Variants in TBC1D8 observed in about 807,000 individuals in gnomAD.
TBC1D8 encodes the protein TBC1 domain family member 8.
In TBC1D8, 65 loss-of-function variants were observed where a neutral mutation model predicts 118.8. The observed-to-expected ratio is 0.55, with a 90% CI of 0.45 to 0.67. The LOEUF is 0.67. Ranked by LOEUF, TBC1D8 falls within the 30% of genes least tolerant of loss-of-function variation. The pLI is 0.00. For synonymous variants in TBC1D8, 566 were observed against 595.8 expected, an observed-to-expected ratio of 0.95 and a Z score of 0.73; for missense variants, 1,376 against 1,471.2, an observed-to-expected ratio of 0.94 and a Z score of 1.06.
intron 1 of TBC1D8, among the ~76,000 whole-genome samples, chr2:101,124,485 C>T (rs1346279722): frequency 6.6e-6 from 1 of 152,156 alleles, no homozygotes; most frequent in East Asian, 1.9e-4. Flanking sequence ...CACTAAAAAA[C>T]AACTCTTCCA....
At chr2:101,085,490 A>C (rs930281252) in intron 2 of TBC1D8, among the ~76,000 whole-genome samples, 7 of 152,196 alleles carry the variant, frequency 4.6e-5, no homozygotes, top group Non-Finnish European at 8.8e-5. Context: ...GCGAGATGCC[A>C]GTCCTCCTTG....
intron 2 of TBC1D8, among the ~76,000 whole-genome samples, chr2:101,066,233 G>A (rs189849559): frequency 3.9e-5 from 6 of 152,158 alleles, no homozygotes; most frequent in African/African-American, 9.6e-5. Context: ...GCAGTGAGCC[G>A]AGATCACGCC....
Position 101,015,514 on chromosome 2 carries a change from CACAA to C in TBC1D8, c.2828-3978_2828-3975del, listed in dbSNP as rs370449381. Among the ~76,000 whole-genome samples the C allele has an allele frequency of 3.5e-3, 528 of 152,320 alleles. 2 individuals are homozygous for C. Among genetic ancestry groups the C allele is most frequent in the African/African-American group, 0.012 (495 of 41,562 alleles). ...TTTTGTAATAACACTTGCCTTAAAA[CACAA>C]ACACATTGTACAGCTGTGAAAAATA... On this transcript the variant is annotated intron_variant, in intron 17 of 19. Coordinates refer to ENST00000409318, the MANE Select transcript of TBC1D8 (RefSeq NM_001330348.2).
Position 101,059,490 on chromosome 2 carries a change from ATTTT to A in TBC1D8, c.329_332del (p.Gln110LeufsTer23). On this transcript the variant is annotated frameshift_variant, in exon 3 of 20. Transcript: ENST00000409318. LOFTEE classifies it high-confidence loss of function. ...CAAAGACAGACAAGGTGTGGAGGAGATTTTGTTCCAGCCAGTCCCAGTGCTGATT... is the reference window on the plus strand; with the variant it reads ...CAAAGACAGACAAGGTGTGGAGGAGAGTTCCAGCCAGTCCCAGTGCTGATT... 1.2e-6 allele frequency: 2 copies of A among 1,613,848 alleles called. No individual in the cohort carries two copies.
chr2:101,143,973 G>T (rs1320810337), intron 1 of TBC1D8, among the ~76,000 whole-genome samples: 1 of 152,154 alleles, frequency 6.6e-6, no homozygotes, highest in Admixed American at 6.5e-5. Context: ...ATTTATTCCT[G>T]CATTCTACAT....
At chr2:101,079,680 G>GTTT (rs35466679) in intron 2 of TBC1D8, among the ~76,000 whole-genome samples, 963 of 81,670 alleles carry the variant, frequency 0.012, 19 homozygotes, top group East Asian at 0.023. Flanking sequence ...GTCCAGTCTG[G>GTTT]TTTTTTTTTT....
intron 1 of TBC1D8, among the ~76,000 whole-genome samples, chr2:101,105,851 A>G (rs1275455784): frequency 6.6e-6 from 1 of 152,140 alleles, no homozygotes; most frequent in Non-Finnish European, 1.5e-5. Flanking sequence ...GATCCCTGCA[A>G]TCGCACACCT....
chr2:101,110,560 C>T (rs1677524809), intron 1 of TBC1D8, among the ~76,000 whole-genome samples: 1 of 152,118 alleles, frequency 6.6e-6, no homozygotes, highest in Non-Finnish European at 1.5e-5. Flanking sequence ...AGTGATGGCT[C>T]CTTCACGGTA....
intron 2 of TBC1D8, among the ~76,000 whole-genome samples, chr2:101,089,545 A>T (rs867819140): frequency 3.3e-4 from 50 of 152,144 alleles, no homozygotes; most frequent in Middle Eastern, 6.3e-3. Flanking sequence ...CTGTGATAGG[A>T]ACAGAAACCC....
chr2:101,074,093 A>G (rs992692048), intron 2 of TBC1D8, among the ~76,000 whole-genome samples: 3 of 152,220 alleles, frequency 2.0e-5, no homozygotes, highest in African/African-American at 7.2e-5. Flanking sequence ...AAGCTTAATC[A>G]TTTTTAGCTT....
intron 2 of TBC1D8, among the ~76,000 whole-genome samples, chr2:101,066,513 A>G (rs1683023908): frequency 6.6e-6 from 1 of 152,218 alleles, no homozygotes; most frequent in Non-Finnish European, 1.5e-5. Context: ...ATAATTACAC[A>G]GCAAAAATAA....
At chr2:101,091,100 T>C (rs1676005250) in intron 1 of TBC1D8, among the ~76,000 whole-genome samples, 2 of 151,210 alleles carry the variant, frequency 1.3e-5, no homozygotes, top group African/African-American at 4.9e-5. Context: ...CTGGCCAACA[T>C]GGTGAAACCC....
intron 1 of TBC1D8, among the ~76,000 whole-genome samples, chr2:101,126,705 T>C (rs1428967523): frequency 6.6e-6 from 1 of 152,156 alleles, no homozygotes; most frequent in Non-Finnish European, 1.5e-5. Context: ...TAAATGTTTC[T>C]CAAAAATAGG....
intron 5 of TBC1D8, among the ~76,000 whole-genome samples, chr2:101,042,574 A>G (rs1681449899): frequency 6.6e-6 from 1 of 152,178 alleles, no homozygotes; most frequent in Non-Finnish European, 1.5e-5. Flanking sequence ...TAAAACAGAA[A>G]CTAGGCATAG....
At chr2:101,021,188 GT>G (rs1680008944) in intron 17 of TBC1D8, among the ~76,000 whole-genome samples, 1 of 152,028 alleles carries the variant, frequency 6.6e-6, no homozygotes, top group Non-Finnish European at 1.5e-5. Flanking sequence ...CACCTTTTAG[GT>G]TTCCTTGGTC....
intron 1 of TBC1D8, among the ~76,000 whole-genome samples, chr2:101,118,838 T>G (rs553536332): frequency 1.3e-5 from 2 of 151,964 alleles, no homozygotes; most frequent in Non-Finnish European, 2.9e-5. Flanking sequence ...TGAAACCCCA[T>G]CTCTACGAAG....
intron 14 of TBC1D8, 148 bp downstream of exon 14, chr2:101,027,900 T>C: frequency 1.4e-6 from 1 of 706,182 alleles, no homozygotes; most frequent in East Asian, 2.7e-5. Context: ...ACATTGTTTC[T>C]ACACTACTTC....
At chr2:101,127,414 T>G (rs1372424621) in intron 1 of TBC1D8, among the ~76,000 whole-genome samples, 1 of 151,632 alleles carries the variant, frequency 6.6e-6, no homozygotes, top group African/African-American at 2.4e-5. Flanking sequence ...AAAACTCCAG[T>G]CTGGGCTTTT....
chr2:101,118,000 C>T (rs1445777862), intron 1 of TBC1D8, among the ~76,000 whole-genome samples: 1 of 151,744 alleles, frequency 6.6e-6, no homozygotes, highest in Non-Finnish European at 1.5e-5. Flanking sequence ...TAACTTCCTC[C>T]TCCTTGACAT....
Sources: allele counts gnomAD v4.1 joint callset (sites outside exome capture counted in the v4.1 genomes callset), GRCh38; gene constraint gnomAD v4.1.1; transcripts MANE v1.5; gene names NCBI Gene and HGNC (gene_info 2026-07-23, HGNC 2026-07-21).